Variants in SDCCAG8 observed in about 807,000 individuals in gnomAD.
The protein encoded by SDCCAG8 is serologically defined colon cancer antigen 8.
A neutral mutation model predicts 101.8 loss-of-function variants in SDCCAG8; 74 were observed. That is an observed-to-expected ratio of 0.73 (90% confidence interval 0.60 to 0.88). SDCCAG8 has a LOEUF of 0.88. Ranked by LOEUF, SDCCAG8 falls within the 40% of genes least tolerant of loss-of-function variation. The pLI, the probability that SDCCAG8 is intolerant of heterozygous loss-of-function variation, is 0.00. For missense variants in SDCCAG8, 787 were observed against 822.6 expected (o/e 0.96, Z 0.53); for synonymous variants, 281 against 292.9 (o/e 0.96, Z 0.41).
intron 16 of SDCCAG8, among the ~76,000 whole-genome samples, chr1:243,445,561 G>T (rs1021999711): frequency 6.6e-6 from 1 of 152,212 alleles, no homozygotes; most frequent in Non-Finnish European, 1.5e-5. Context: ...AAAAATACAT[G>T]ACAGGTGATG....
intron 16 of SDCCAG8, among the ~76,000 whole-genome samples, chr1:243,454,803 G>C (rs1413129086): frequency 6.6e-6 from 1 of 152,118 alleles, no homozygotes; most frequent in African/African-American, 2.4e-5. Flanking sequence ...CGTTCACCTG[G>C]TCAGGATTTC....
At chr1:243,410,703 T>TA (rs1323716513) in intron 13 of SDCCAG8, among the ~76,000 whole-genome samples, 1 of 152,166 alleles carries the variant, frequency 6.6e-6, no homozygotes. Flanking sequence ...AAATGTACTT[T>TA]AAAAAATCTG....
rs529530671 is a variant in SDCCAG8, at chr1:243,304,271, A to C, written c.676-442A>C. On this transcript the variant is annotated intron_variant, in intron 6 of 17. Transcript: ENST00000366541. ...ATTTGTTGAATGAAAGAATAACTGG[A>C]TACCAACAGAGGCTTGTAGGAGTTA... is the stretch of plus-strand genomic sequence containing the variant. 1.6e-4 allele frequency among the ~76,000 whole-genome samples: 24 copies of C among 152,350 alleles called. No homozygotes were observed. The South Asian group carries it at 5.0e-3, about 32-fold the overall frequency.
chr1:243,267,028 A>T (rs2067666021), intron 1 of SDCCAG8, among the ~76,000 whole-genome samples: 1 of 151,772 alleles, frequency 6.6e-6, no homozygotes, highest in African/African-American at 2.4e-5. Context: ...GCGGATCACA[A>T]AGTCAGGAGA....
At chr1:243,431,463 T>G (rs962491295) in intron 16 of SDCCAG8, among the ~76,000 whole-genome samples, 2 of 152,078 alleles carry the variant, frequency 1.3e-5, no homozygotes, top group African/African-American at 2.4e-5. Context: ...GAAGCTGGTT[T>G]GGGGTTGAGA....
chr1:243,344,481 T>C (rs1362054256), intron 12 of SDCCAG8, 150 bp downstream of exon 12: 63 of 691,198 alleles, frequency 9.1e-5, no homozygotes, highest in Non-Finnish European at 4.3e-5. Context: ...ATTTCTTTTA[T>C]AGTTGCCTAA....
rs151291039 is a variant in SDCCAG8, at chr1:243,365,969, T to C, written c.1474-12752T>C. ...TTCATTTAAGGTAATAGTGTCAATT[T>C]TGAACAAACTGTTTCAAAAACTTTA... On this transcript the variant is annotated intron_variant, in intron 12 of 17. Coordinates refer to ENST00000366541, the MANE Select transcript of SDCCAG8 (RefSeq NM_006642.5). Among the ~76,000 whole-genome samples the C allele has an allele frequency of 1.0e-3, 157 of 152,220 alleles. 1 individual carries two copies. The highest frequency in any genetic ancestry group is 3.7e-3 in the African/African-American group (155 of 41,568).
chr1:243,466,998 T>G (rs898586187), intron 16 of SDCCAG8, among the ~76,000 whole-genome samples: 11 of 152,250 alleles, frequency 7.2e-5, no homozygotes, highest in African/African-American at 2.7e-4. Context: ...TGCTTCCTCA[T>G]GCTGCATTCC....
At chr1:243,294,478 G>C (rs934829166) in intron 6 of SDCCAG8, among the ~76,000 whole-genome samples, 15 of 31,558 alleles carry the variant, frequency 4.8e-4, no homozygotes, top group Non-Finnish European at 3.0e-4. Context: ...AAAGGTGGGG[G>C]GGGGGAGAGA....
Position 243,378,833 on chromosome 1 carries a change from G to C in SDCCAG8, c.1586G>C (p.Gly529Ala), listed in dbSNP as rs1330485298. The stretch of plus-strand genomic sequence containing the variant: ...TGCCTGAGACTAACAGAACTGCTGG[G>C]CGAATCTGAGCACCAACTGCACCTC... The part of the protein sequence containing the change: ...EECLRLTELL[G>A]ESEHQLHLTR... The change falls in exon 13 of 18, where the codon GGC becomes GCC. Residue 529 changes from glycine to alanine, a missense_variant. Gly to Ala is a moderately conservative substitution (Grantham distance 60). Transcript: ENST00000366541. 6.2e-7 allele frequency: 1 copy of C among 1,614,028 alleles called. No individual in the cohort carries two copies. Among genetic ancestry groups the C allele is most frequent in the Non-Finnish European group, 8.5e-7 (1 of 1,179,950 alleles).
At chr1:243,446,772 C>G (rs1226261572) in intron 16 of SDCCAG8, among the ~76,000 whole-genome samples, 1 of 152,102 alleles carries the variant, frequency 6.6e-6, no homozygotes, top group African/African-American at 2.4e-5. Flanking sequence ...GGAGAATATA[C>G]CTCATGTACA....
At chr1:243,386,765 A>G (rs1365057840) in intron 13 of SDCCAG8, among the ~76,000 whole-genome samples, 1 of 135,548 alleles carries the variant, frequency 7.4e-6, no homozygotes, top group Non-Finnish European at 1.6e-5. Flanking sequence ...AAAAGAAAGA[A>G]AGTGAGAGAG....
At chr1:243,328,748 G>A (rs2074386779) in intron 9 of SDCCAG8, among the ~76,000 whole-genome samples, 1 of 152,158 alleles carries the variant, frequency 6.6e-6, no homozygotes, top group African/African-American at 2.4e-5. Context: ...GCTTTTCACT[G>A]TATCATCCTA....
chr1:243,371,367 A>G (rs892488705), intron 12 of SDCCAG8, among the ~76,000 whole-genome samples: 3 of 152,144 alleles, frequency 2.0e-5, no homozygotes, highest in Non-Finnish European at 4.4e-5. Flanking sequence ...GTATAATCTT[A>G]TGTAAGTTAC....
chr1:243,399,350 C>T (rs2079223606), intron 13 of SDCCAG8, among the ~76,000 whole-genome samples: 1 of 152,036 alleles, frequency 6.6e-6, no homozygotes, highest in Non-Finnish European at 1.5e-5. Context: ...CCCTTCAGTG[C>T]AAGTCTTTCA....
At chr1:243,306,900 A>G (rs1360870187) in intron 7 of SDCCAG8, among the ~76,000 whole-genome samples, 2 of 151,932 alleles carry the variant, frequency 1.3e-5, no homozygotes, top group Non-Finnish European at 2.9e-5. Context: ...CAGTTGTCTG[A>G]CAGCCAGGCT....
chr1:243,424,492 T>C (rs533453603), intron 15 of SDCCAG8, among the ~76,000 whole-genome samples: 1 of 152,226 alleles, frequency 6.6e-6, no homozygotes, highest in Non-Finnish European at 1.5e-5. Flanking sequence ...TAATAGTTGG[T>C]ATGCATGTCA....
intron 13 of SDCCAG8, among the ~76,000 whole-genome samples, chr1:243,407,626 T>G (rs533528501): frequency 1.3e-5 from 2 of 152,318 alleles, no homozygotes; most frequent in South Asian, 4.1e-4. Flanking sequence ...AAGAACATTT[T>G]TGGAGGGAAA....
intron 1 of SDCCAG8, among the ~76,000 whole-genome samples, chr1:243,257,100 G>A (rs1271238454): frequency 6.6e-6 from 1 of 152,030 alleles, no homozygotes; most frequent in East Asian, 1.9e-4. Flanking sequence ...GGTTATTGTG[G>A]GGAGCAAATG....
Sources: gnomAD v4.1 joint callset for allele counts (sites outside exome capture counted in the v4.1 genomes callset) on GRCh38, gnomAD v4.1.1 for gene constraint, MANE v1.5 for transcripts, NCBI Gene and HGNC (gene_info 2026-07-23, HGNC 2026-07-21) for gene names.